The following AFF2 variants were observed in gnomAD, a reference collection of about 807,000 sequenced individuals.
The protein encoded by AFF2 is AF4/FMR2 family member 2.
Under a neutral mutation model 76.9 loss-of-function variants are expected in AFF2, and 14 were observed. The ratio of observed to expected loss-of-function variants is 0.18; its 90% CI spans 0.12 to 0.28. The LOEUF is 0.28. Ranked by LOEUF, AFF2 falls within the 10% of genes least tolerant of loss-of-function variation. AFF2 has a pLI of 1.00. For synonymous variants in AFF2, 398 were observed against 366.7 expected, an observed-to-expected ratio of 1.09 and a Z score of -0.98; for missense variants, 868 against 1,001.1, an observed-to-expected ratio of 0.87 and a Z score of 1.79.
chrX:148,910,990 G>T (rs1320874125), intron 9 of AFF2, among the ~76,000 whole-genome samples: 1 of 110,703 alleles, frequency 9.0e-6, no homozygotes, highest in African/African-American at 3.3e-5. Context: ...AAAAGTCAAA[G>T]CCTGGAAATC....
chrX:148,931,078 C>A (rs1402749712), intron 9 of AFF2, among the ~76,000 whole-genome samples: 2 of 108,705 alleles, frequency 1.8e-5, no homozygotes, highest in African/African-American at 6.7e-5. Context: ...CATGGTGAAA[C>A]CCCGTCTCTA....
chrX:148,629,213 G>A (rs2053957237), intron 1 of AFF2, among the ~76,000 whole-genome samples: 1 of 110,260 alleles, frequency 9.1e-6, no homozygotes, highest in Admixed American at 9.7e-5. Flanking sequence ...TAAAATGAGG[G>A]GACAGGACTG....
At chrX:148,641,057 T>A (rs928572571) in intron 1 of AFF2, among the ~76,000 whole-genome samples, 3 of 112,041 alleles carry the variant, frequency 2.7e-5, no homozygotes, top group African/African-American at 9.7e-5. Context: ...TGCACTGCAA[T>A]TGTTTTGGAA....
intron 3 of AFF2, among the ~76,000 whole-genome samples, chrX:148,740,252 T>A (rs1320967868): frequency 8.9e-6 from 1 of 112,249 alleles, no homozygotes; most frequent in Non-Finnish European, 1.9e-5. Flanking sequence ...TTTTCCAAGC[T>A]TTTAGAATTG....
At chrX:148,508,571 C>G (rs1181369682) in intron 1 of AFF2, among the ~76,000 whole-genome samples, 1 of 111,428 alleles carries the variant, frequency 9.0e-6, no homozygotes, top group African/African-American at 3.3e-5. Flanking sequence ...TAGACTACGG[C>G]AATATGTACA....
rs1338605105 is a variant in AFF2 at position 148,994,368 on chromosome X, G to T, written c.*3036G>T. On this transcript the variant is annotated 3_prime_UTR_variant, in exon 21 of 21. Transcript: ENST00000370460. Reference sequence around the variant, plus strand: ...GGTAGGTAGGATTACTTTGAAAAGGGTTTACTAGTGTGGTCCTCCGGGTAG... The same window carrying T: ...GGTAGGTAGGATTACTTTGAAAAGGTTTTACTAGTGTGGTCCTCCGGGTAG... 8.9e-6 allele frequency: 1 copy of T among 112,217 alleles called. No individual in the cohort carries two copies. Among genetic ancestry groups the T allele is most frequent in the Non-Finnish European group, 1.9e-5 (1 of 53,222 alleles). 9.2% of individuals were successfully genotyped at this position (112,217 alleles called of 1,213,427 possible).
intron 3 of AFF2, among the ~76,000 whole-genome samples, chrX:148,725,862 T>A (rs781994260): frequency 1.5e-4 from 17 of 112,389 alleles, no homozygotes; most frequent in Non-Finnish European, 3.2e-4. Flanking sequence ...GGCCAAGAGT[T>A]TCTTGAAGAA....
chrX:148,684,437 C>T (rs782650933), intron 3 of AFF2, among the ~76,000 whole-genome samples: 4 of 111,773 alleles, frequency 3.6e-5, no homozygotes, highest in Admixed American at 9.5e-5. Flanking sequence ...ATGGGAGCCT[C>T]GGTAGATTTT....
intron 9 of AFF2, among the ~76,000 whole-genome samples, chrX:148,920,640 G>A (rs2071584042): frequency 9.1e-6 from 1 of 109,435 alleles, no homozygotes; most frequent in African/African-American, 3.3e-5. Context: ...GCGCGTGTGT[G>A]TGTGTGTGTA....
chrX:148,519,473 A>G (rs782663396), intron 1 of AFF2, among the ~76,000 whole-genome samples: 10 of 112,413 alleles, frequency 8.9e-5, no homozygotes, highest in Non-Finnish European at 1.9e-4. Context: ...TCACGTAGAC[A>G]TGAAAATAAT....
intron 7 of AFF2, among the ~76,000 whole-genome samples, chrX:148,867,212 C>T (rs782122992): frequency 3.6e-5 from 4 of 112,570 alleles, no homozygotes; most frequent in South Asian, 3.7e-4. Flanking sequence ...TGGGGCCAGC[C>T]GTTTGGCTGG....
At chrX:148,840,369 C>G (rs868959074) in intron 5 of AFF2, among the ~76,000 whole-genome samples, 1 of 112,200 alleles carries the variant, frequency 8.9e-6, no homozygotes, top group Non-Finnish European at 1.9e-5. Flanking sequence ...CACTTATTTA[C>G]GCATTGTCCA....
chrX:148,557,517 G>A (rs1183070126), intron 1 of AFF2, among the ~76,000 whole-genome samples: 9 of 111,393 alleles, frequency 8.1e-5, no homozygotes, highest in African/African-American at 2.9e-4. Context: ...GTGGAAGAAC[G>A]TGGTTCCTAA....
At chrX:148,578,416 A>G (rs1345060453) in intron 1 of AFF2, among the ~76,000 whole-genome samples, 1 of 111,481 alleles carries the variant, frequency 9.0e-6, no homozygotes, top group Non-Finnish European at 1.9e-5. Flanking sequence ...AGCCCCTCCC[A>G]GTCTGAACCA....
rs1489847271 is a variant in AFF2, at chrX:148,996,856, T to G, written c.*5524T>G. 1 of 112,011 alleles carries G rather than the reference T, an allele frequency of 8.9e-6. No individual in the cohort carries two copies. Among genetic ancestry groups the G allele is most frequent in the Non-Finnish European group, 1.9e-5 (1 of 53,149 alleles). 9.2% of individuals were successfully genotyped at this position (112,011 alleles called of 1,213,427 possible). A position where few individuals can be genotyped will look rare whatever the true frequency, so the allele number is the denominator to read the frequency against. On this transcript the variant is annotated 3_prime_UTR_variant, in exon 21 of 21. Transcript: ENST00000370460. ...TTGATTTTTTAAAAAGATAAGTGAG[T>G]GTTTTTTATTTTATTATTATTGTCA...
chrX:148,607,973 C>T (rs1343585508), intron 1 of AFF2, among the ~76,000 whole-genome samples: 1 of 111,833 alleles, frequency 8.9e-6, no homozygotes, highest in Non-Finnish European at 1.9e-5. Flanking sequence ...TTGATGATAC[C>T]TTGCCATATT....
At chrX:148,644,417 G>T (rs5980558) in intron 1 of AFF2, among the ~76,000 whole-genome samples, 20,904 of 110,922 alleles carry the variant, frequency 0.19, 1,452 homozygotes, top group Non-Finnish European at 0.2. Flanking sequence ...TGTGTCTCAT[G>T]TATCTCAGTT....
intron 2 of AFF2, among the ~76,000 whole-genome samples, chrX:148,660,988 A>T (rs1375849691): frequency 8.9e-6 from 1 of 112,447 alleles, no homozygotes; most frequent in Non-Finnish European, 1.9e-5. Flanking sequence ...TAATTATTTT[A>T]AAAACAATCA....
intron 3 of AFF2, among the ~76,000 whole-genome samples, chrX:148,775,128 G>C (rs143312088): frequency 7.6e-4 from 85 of 111,774 alleles, no homozygotes; most frequent in Non-Finnish European, 1.1e-3. Context: ...GGATATATTT[G>C]TTATAAAAAT....
Sources: allele counts gnomAD v4.1 joint callset (sites outside exome capture counted in the v4.1 genomes callset), GRCh38; gene constraint gnomAD v4.1.1; transcripts MANE v1.5; gene names NCBI Gene and HGNC (gene_info 2026-07-23, HGNC 2026-07-21).